The following MAGI1 variants were observed in gnomAD, a reference collection of about 807,000 sequenced individuals.
The protein encoded by MAGI1 is membrane associated guanylate kinase, WW and PDZ domain containing 1, also known as membrane-associated guanylate kinase, WW and PDZ domain-containing protein 1.
A neutral mutation model predicts 139.9 loss-of-function variants in MAGI1; 58 were observed. That is an observed-to-expected ratio of 0.41 (90% CI 0.34 to 0.52). MAGI1 has a LOEUF of 0.52. Among genes scored for constraint, MAGI1 ranks in the 20% least tolerant of loss-of-function variants. The pLI, the probability that MAGI1 is intolerant of heterozygous loss-of-function variation, is 0.12. For synonymous variants in MAGI1, 812 were observed against 737.9 expected (o/e 1.10, Z -1.63); for missense variants, 1,874 against 1,901.6 (o/e 0.99, Z 0.27).
At chr3:65,479,029 T>A (rs938730603) in intron 3 of MAGI1, among the ~76,000 whole-genome samples, 1 of 152,196 alleles carries the variant, frequency 6.6e-6, no homozygotes, top group Non-Finnish European at 1.5e-5. Context: ...GCAAACAACC[T>A]ACTAGGGCTA....
chr3:65,392,546 G>A (rs1241920508), intron 13 of MAGI1, among the ~76,000 whole-genome samples: 1 of 152,050 alleles, frequency 6.6e-6, no homozygotes, highest in African/African-American at 2.4e-5. Context: ...CTAGATCCCT[G>A]AAGTTCTTTA....
intron 1 of MAGI1, among the ~76,000 whole-genome samples, chr3:65,664,542 C>T (rs2086391541): frequency 6.6e-6 from 1 of 152,194 alleles, no homozygotes; most frequent in African/African-American, 2.4e-5. Flanking sequence ...AACTCGACCA[C>T]ACCAGTGGTT....
chr3:65,528,743 T>A (rs2078502667), intron 2 of MAGI1, among the ~76,000 whole-genome samples: 1 of 152,158 alleles, frequency 6.6e-6, no homozygotes. Context: ...AAACATTATT[T>A]TACCATTCAA....
intron 1 of MAGI1, among the ~76,000 whole-genome samples, chr3:65,711,382 T>C (rs1476087139): frequency 6.6e-6 from 1 of 152,166 alleles, no homozygotes; most frequent in African/African-American, 2.4e-5. Context: ...TTTATTCAAA[T>C]GTAAAAAGGT....
intron 1 of MAGI1, among the ~76,000 whole-genome samples, chr3:65,719,076 C>T (rs531060769): frequency 2.6e-4 from 33 of 127,820 alleles, no homozygotes; most frequent in African/African-American, 9.4e-4. Flanking sequence ...ATACTAAAAA[C>T]AATAAAAAAA....
chr3:65,364,523 TA>T, intron 20 of MAGI1, 141 bp downstream of exon 20: 2 of 692,560 alleles, frequency 2.9e-6, no homozygotes, highest in Non-Finnish European at 5.1e-6. Flanking sequence ...CAATCAAATG[TA>T]AGTATACGTT....
intron 12 of MAGI1, among the ~76,000 whole-genome samples, chr3:65,422,884 T>C (rs1212648247): frequency 6.6e-6 from 1 of 152,064 alleles, no homozygotes; most frequent in East Asian, 1.9e-4. Context: ...ACACAGGACT[T>C]TGGAGTTCAC....
intron 4 of MAGI1, among the ~76,000 whole-genome samples, chr3:65,475,166 G>A (rs73115940): frequency 6.6e-6 from 1 of 151,668 alleles, no homozygotes; most frequent in Non-Finnish European, 1.5e-5. Flanking sequence ...AGGTGTTCAT[G>A]AATGAATCTG....
intron 1 of MAGI1, among the ~76,000 whole-genome samples, chr3:66,001,462 A>G (rs1014367509): frequency 2.0e-5 from 3 of 152,206 alleles, no homozygotes; most frequent in Non-Finnish European, 4.4e-5. Flanking sequence ...TAGAAAGAAA[A>G]GAGTATCAGC....
At chr3:65,957,103 CA>C in intron 1 of MAGI1, among the ~76,000 whole-genome samples, 1 of 151,812 alleles carries the variant, frequency 6.6e-6, no homozygotes, top group Admixed American at 6.6e-5. Flanking sequence ...ACATATATAC[CA>C]AAAGGCATAA....
chr3:66,022,572 T>C (rs886333901), intron 1 of MAGI1, among the ~76,000 whole-genome samples: 3 of 152,226 alleles, frequency 2.0e-5, no homozygotes, highest in African/African-American at 7.2e-5. Context: ...AACAGTCTCA[T>C]CTGCTGTCCT....
At chr3:65,638,063 C>T (rs1002078711) in intron 1 of MAGI1, among the ~76,000 whole-genome samples, 1 of 152,090 alleles carries the variant, frequency 6.6e-6, no homozygotes, top group African/African-American at 2.4e-5. Context: ...GTGGCTAAAG[C>T]AGAACTAGGC....
At chr3:65,913,500 A>G (rs898474102) in intron 1 of MAGI1, among the ~76,000 whole-genome samples, 2 of 152,124 alleles carry the variant, frequency 1.3e-5, no homozygotes, top group African/African-American at 2.4e-5. Context: ...GCTAATAGGT[A>G]TAGGTTGTTT....
chr3:65,360,020 C>T (rs1426313377), intron 22 of MAGI1: 1 of 985,218 alleles, frequency 1.0e-6, no homozygotes, highest in Non-Finnish European at 1.2e-6. Context: ...TGTGGTTGGC[C>T]ATGTCTATAG....
intron 1 of MAGI1, among the ~76,000 whole-genome samples, chr3:65,778,626 G>C (rs899607332): frequency 6.6e-6 from 1 of 152,084 alleles, no homozygotes; most frequent in African/African-American, 2.4e-5. Context: ...CAGCAGTTAA[G>C]CAACTTGCCA....
At chr3:65,462,587 G>A (rs1279186154) in intron 5 of MAGI1, among the ~76,000 whole-genome samples, 1 of 152,166 alleles carries the variant, frequency 6.6e-6, no homozygotes, top group Non-Finnish European at 1.5e-5. Flanking sequence ...GCTTAGGATT[G>A]TCTTGGCTAC....
intron 2 of MAGI1, among the ~76,000 whole-genome samples, chr3:65,499,769 G>A (rs1022616911): frequency 3.9e-5 from 6 of 152,252 alleles, no homozygotes; most frequent in East Asian, 3.9e-4. Context: ...TGTTTTACAA[G>A]TTTATGAGTT....
chr3:65,682,809 C>T (rs1052623928), intron 1 of MAGI1, among the ~76,000 whole-genome samples: 4 of 152,050 alleles, frequency 2.6e-5, no homozygotes, highest in Non-Finnish European at 5.9e-5. Context: ...CAGTAACAGG[C>T]AGAACACAGA....
intron 8 of MAGI1, among the ~76,000 whole-genome samples, chr3:65,442,335 G>A (rs80342039): frequency 4.8e-4 from 73 of 152,230 alleles, no homozygotes; most frequent in African/African-American, 1.5e-3. Context: ...ATAAATTACC[G>A]TGGCTGAACC....
Sources: gnomAD v4.1 joint callset for allele counts (sites outside exome capture counted in the v4.1 genomes callset) on GRCh38, gnomAD v4.1.1 for gene constraint, MANE v1.5 for transcripts, NCBI Gene and HGNC (gene_info 2026-07-23, HGNC 2026-07-21) for gene names.